AGBL3: variants seen among roughly 807,000 people sequenced by gnomAD.
AGBL3 encodes AGBL carboxypeptidase 3, also known as cytosolic carboxypeptidase 3.
Under a neutral mutation model 94.5 loss-of-function variants are expected in AGBL3, and 68 were observed. The ratio of observed to expected loss-of-function variants is 0.72; its 90% CI spans 0.59 to 0.88. The LOEUF (loss-of-function observed/expected upper bound fraction) is 0.88, where lower values mean the gene tolerates loss of function less well. AGBL3 is among the 40% of genes least tolerant of loss of function. The pLI, the probability that AGBL3 is intolerant of heterozygous loss-of-function variation, is 0.00. For synonymous variants in AGBL3, 354 were observed against 370.7 expected, an observed-to-expected ratio of 0.95 and a Z score of 0.52; for missense variants, 934 against 1,103.8, an observed-to-expected ratio of 0.85 and a Z score of 2.18.
At chr7:135,076,567 CA>C in intron 13 of AGBL3, 99 bp downstream of exon 13, 1 of 923,590 alleles carries the variant, frequency 1.1e-6, no homozygotes, top group African/African-American at 1.7e-5. Context: ...AATTTTCCCC[CA>C]GGAGAAGTTA....
chr7:135,076,317 C>T (rs1820445418), intron 12 of AGBL3, 80 bp from the exon 13 acceptor site: 2 of 1,122,652 alleles, frequency 1.8e-6, no homozygotes, highest in Non-Finnish European at 2.6e-6. Flanking sequence ...AAGTGGGAAT[C>T]TCGAAACAAT....
Position 135,053,201 on chromosome 7 carries a change from G to C in AGBL3, c.1842-5968G>C, listed in dbSNP as rs531781220. Among the ~76,000 whole-genome samples the C allele has an allele frequency of 2.1e-3, 322 of 152,266 alleles. 4 individuals are homozygous for C. Among genetic ancestry groups the C allele is most frequent in the African/African-American group, 7.6e-3 (316 of 41,568 alleles). On this transcript the variant is annotated intron_variant, in intron 11 of 16. Transcript: ENST00000436302. Reference sequence around the variant, plus strand: ...AAAGCAAGGCCACACCAGAAGTGATGGGTGAAAAATGCGTGAAGCTGACTT... The same window carrying C: ...AAAGCAAGGCCACACCAGAAGTGATCGGTGAAAAATGCGTGAAGCTGACTT...
intron 9 of AGBL3, among the ~76,000 whole-genome samples, chr7:135,044,526 T>G (rs1446010265): frequency 6.6e-6 from 1 of 152,254 alleles, no homozygotes; most frequent in African/African-American, 2.4e-5. Flanking sequence ...TGAAAGCACT[T>G]GGTTCCCTGA....
intron 4 of AGBL3, among the ~76,000 whole-genome samples, chr7:135,014,292 A>G (rs11536532): frequency 0.93 from 140,864 of 151,244 alleles, 66,366 homozygotes; most frequent in Non-Finnish European, 1. Context: ...TGCTTAAGCT[A>G]TACTTTTAAC....
intron 12 of AGBL3, among the ~76,000 whole-genome samples, chr7:135,062,479 A>AT (rs1818928211): frequency 6.6e-6 from 1 of 152,108 alleles, no homozygotes; most frequent in South Asian, 2.1e-4. Flanking sequence ...ACCATGGGGT[A>AT]TGATGTTAGC....
At chr7:135,102,728 A>C (rs1824037214) in intron 15 of AGBL3, among the ~76,000 whole-genome samples, 1 of 152,096 alleles carries the variant, frequency 6.6e-6, no homozygotes, top group African/African-American at 2.4e-5. Flanking sequence ...TTCATATAAA[A>C]ATTAACCCTA....
chr7:135,066,726 A>G (rs568998637), intron 12 of AGBL3, among the ~76,000 whole-genome samples: 2 of 152,310 alleles, frequency 1.3e-5, no homozygotes, highest in East Asian at 3.9e-4. Flanking sequence ...CTATCAATGG[A>G]TGAATGGATA....
intron 15 of AGBL3, among the ~76,000 whole-genome samples, chr7:135,099,189 C>CTA (rs1823382481): frequency 2.5e-5 from 1 of 40,544 alleles, no homozygotes; most frequent in South Asian, 1.7e-3. Flanking sequence ...CCTAGATTGG[C>CTA]TCTAAAAATG....
chr7:135,043,005 C>T (rs1217951873), intron 8 of AGBL3, among the ~76,000 whole-genome samples: 1 of 152,172 alleles, frequency 6.6e-6, no homozygotes, highest in Non-Finnish European at 1.5e-5. Flanking sequence ...CAAAAAATTT[C>T]TTTGTAGACA....
chr7:135,096,738 AGAAT>A lies in AGBL3; in HGVS notation c.2110+14952_2110+14955del, dbSNP rs1366524559. Among the ~76,000 whole-genome samples, 25 of 120,184 alleles carry A rather than the reference AGAAT, an allele frequency of 2.1e-4. No homozygotes were observed. The East Asian group carries it at 3.1e-3, about 15-fold the overall frequency. 78.8% of individuals were successfully genotyped at this position (120,184 alleles called of 152,430 possible). ...AAAGAAAGAGAAGAAAGAAAGAGAA[AGAAT>A]GAAAGAAAGAAAGAAAGAAAGAAAG... On this transcript the variant is annotated intron_variant, in intron 15 of 16. Coordinates refer to ENST00000436302, the MANE Select transcript of AGBL3 (RefSeq NM_178563.4).
chr7:135,109,446 GA>G (rs1825278847), intron 15 of AGBL3, among the ~76,000 whole-genome samples: 1 of 127,062 alleles, frequency 7.9e-6, no homozygotes, highest in South Asian at 2.3e-4. Context: ...GCCTAGTGAA[GA>G]GATACAGGAT....
At chr7:135,112,726 T>C (rs968585117) in intron 15 of AGBL3, among the ~76,000 whole-genome samples, 21 of 152,330 alleles carry the variant, frequency 1.4e-4, no homozygotes, top group Non-Finnish European at 2.1e-4. Context: ...TTCACATCTA[T>C]TTACCAAACA....
chr7:134,992,326 A>G (rs1431458559), intron 3 of AGBL3, among the ~76,000 whole-genome samples: 2 of 152,178 alleles, frequency 1.3e-5, no homozygotes, highest in African/African-American at 4.8e-5. Context: ...GTCAGCTCAC[A>G]TGTTACCTCT....
At chr7:135,087,446 C>G (rs1821418858) in intron 15 of AGBL3, among the ~76,000 whole-genome samples, 1 of 151,726 alleles carries the variant, frequency 6.6e-6, no homozygotes, top group Admixed American at 6.6e-5. Context: ...AATCTTTCTA[C>G]TTTTTGGATA....
chr7:135,014,089 G>T (rs1344804464), intron 4 of AGBL3, among the ~76,000 whole-genome samples: 1 of 150,918 alleles, frequency 6.6e-6, no homozygotes, highest in Non-Finnish European at 1.5e-5. Context: ...CCAGCTACTT[G>T]GGAGGCTGAG....
chr7:135,062,774 T>A (rs2116712845), intron 12 of AGBL3, among the ~76,000 whole-genome samples: 1 of 152,318 alleles, frequency 6.6e-6, no homozygotes, highest in African/African-American at 2.4e-5. Context: ...TAGTATTCTG[T>A]TGAAGATTTT....
chr7:135,101,125 T>C (rs1259727787), intron 15 of AGBL3: 1 of 453,974 alleles, frequency 2.2e-6, no homozygotes, highest in African/African-American at 2.0e-5. Flanking sequence ...AACACAAACA[T>C]TTTTTAGAAA....
chr7:135,086,146 G>A (rs1223922394), intron 15 of AGBL3, among the ~76,000 whole-genome samples: 3 of 151,556 alleles, frequency 2.0e-5, no homozygotes, highest in Non-Finnish European at 3.0e-5. Context: ...TTATTCTTGG[G>A]GTATAGAAAT....
At chr7:135,080,290 CAATT>C in intron 14 of AGBL3, 30 bp downstream of exon 14, 7 of 1,527,598 alleles carry the variant, frequency 4.6e-6, no homozygotes, top group Non-Finnish European at 6.2e-6. Context: ...TTCTCATAAA[CAATT>C]AATTCATTTA....
Sources: gnomAD v4.1 joint callset for allele counts (sites outside exome capture counted in the v4.1 genomes callset) on GRCh38, gnomAD v4.1.1 for gene constraint, MANE v1.5 for transcripts, NCBI Gene and HGNC (gene_info 2026-07-23, HGNC 2026-07-21) for gene names.